CATSPERD: variants seen among roughly 807,000 people sequenced by gnomAD.
The protein encoded by CATSPERD is catsper channel auxiliary subunit delta.
Under a neutral mutation model 98.1 loss-of-function variants are expected in CATSPERD, and 86 were observed. That is an observed-to-expected ratio of 0.88 (90% CI 0.74 to 1.05). CATSPERD has a LOEUF of 1.05. Ranked by LOEUF, CATSPERD falls within the 50% of genes least tolerant of loss-of-function variation. The probability of loss-of-function intolerance (pLI) is 0.00; values close to 1 mark genes in which losing one functional copy is unlikely to be tolerated. For missense variants in CATSPERD, 995 were observed against 1,005.7 expected (o/e 0.99, Z 0.14); for synonymous variants, 394 against 390.2 (o/e 1.01, Z -0.12).
At chr19:5,773,967 G>GC in intron 20 of CATSPERD, among the ~76,000 whole-genome samples, 1 of 98,304 alleles carries the variant, frequency 1.0e-5, no homozygotes, top group African/African-American at 3.5e-5. Context: ...TTTTGCATTT[G>GC]CTTTTTTTTT....
Position 5,751,722 on chromosome 19 carries a change from C to T in CATSPERD, c.1063C>T (p.Pro355Ser). 6.2e-7 allele frequency: 1 copy of T among 1,613,834 alleles called. No homozygotes were observed. Among genetic ancestry groups the T allele is most frequent in the African/African-American group, 1.3e-5 (1 of 74,990 alleles). ...CCCAGGGACTCTGGAAATACTGACC[C>T]CACTGCGTGACACAGCCTTTCCAGC... ...RSPGTLEILTPLRDTAFPAFD... is the reference protein window; with the variant it reads ...RSPGTLEILTSLRDTAFPAFD... The change falls in exon 12 of 22, where the codon CCA becomes TCA. Residue 355 changes from proline to serine, a missense_variant. Pro to Ser is a moderately conservative substitution (Grantham distance 74). Transcript: ENST00000381624.
chr19:5,728,186 C>T (rs1229212658), intron 3 of CATSPERD, among the ~76,000 whole-genome samples: 14 of 151,194 alleles, frequency 9.3e-5, no homozygotes, highest in Non-Finnish European at 1.0e-4. Flanking sequence ...GGTGAAACCC[C>T]GTCTCTACTA....
At chr19:5,771,841 T>A (rs537504577) in intron 19 of CATSPERD, among the ~76,000 whole-genome samples, 83 of 152,290 alleles carry the variant, frequency 5.5e-4, no homozygotes, top group Middle Eastern at 6.8e-3. Context: ...AGTGCTGGGA[T>A]AACAGGCGTG....
Position 5,734,031 on chromosome 19 carries a change from A to G in CATSPERD, c.391+61A>G, listed in dbSNP as rs953660781. On this transcript the variant is annotated intron_variant, in intron 5 of 21. Coordinates refer to ENST00000381624, the MANE Select transcript of CATSPERD (RefSeq NM_152784.4). ...TGTAGTCAACATGAGAGAAGAGGGT[A>G]TTAGTGTTGGAAGTATAAGCGATGC... 8 of 982,606 alleles carry G rather than the reference A, an allele frequency of 8.1e-6. No individual in the cohort carries two copies. The African/African-American group carries it at 9.9e-5, about 12-fold the overall frequency. The allele number at this position is 982,606 out of a possible 1,614,324, so 60.9% of individuals were successfully genotyped here. A position where few individuals can be genotyped will look rare whatever the true frequency, so the allele number is the denominator to read the frequency against.
intron 20 of CATSPERD, among the ~76,000 whole-genome samples, chr19:5,775,648 C>CAAAAAAAA: frequency 1.6e-5 from 1 of 61,484 alleles, no homozygotes; most frequent in Non-Finnish European, 3.5e-5. Context: ...AACCCCATCT[C>CAAAAAAAA]AAAAAAAAAA....
At chr19:5,766,929 G>C (rs968643793) in intron 17 of CATSPERD, among the ~76,000 whole-genome samples, 23 of 151,808 alleles carry the variant, frequency 1.5e-4, no homozygotes, top group Non-Finnish European at 3.4e-4. Context: ...CTGACCTCAA[G>C]TGATTTGCCC....
chr19:5,759,142 C>A lies in CATSPERD; in HGVS notation c.1425C>A (p.Ser475=), dbSNP rs772325744. The A allele has an allele frequency of 1.2e-6, 2 of 1,613,824 alleles. 1 individual carries two copies. The highest frequency in any genetic ancestry group is 2.2e-5 in the South Asian group (2 of 91,076). ...HWGRTDSNFT[S]SLKKATMSTL... is the part of the protein sequence containing the mutation. ...GCAGGACCGACTCCAACTTCACTTC[C>A]AGGTATGTTGTCTCCTGGGAGAGGC... Residue 475 remains serine, a splice_region_variant and synonymous_variant, in exon 15 of 22, where the codon TCC becomes TCA. Coordinates refer to ENST00000381624, the MANE Select transcript of CATSPERD (RefSeq NM_152784.4).
chr19:5,735,774 ATT>A (rs34107835), intron 5 of CATSPERD, among the ~76,000 whole-genome samples: 290 of 101,996 alleles, frequency 2.8e-3, no homozygotes, highest in Middle Eastern at 7.1e-3. Context: ...TGCCCGGCTA[ATT>A]TTTTTTTTTT....
intron 3 of CATSPERD, 21 bp from the exon 4 acceptor site, chr19:5,729,851 C>G (rs545726200): frequency 7.0e-7 from 1 of 1,438,494 alleles, no homozygotes; most frequent in East Asian, 2.3e-5. Context: ...CCTAATTTAA[C>G]TTATTTATTG....
intron 3 of CATSPERD, among the ~76,000 whole-genome samples, chr19:5,727,665 T>C (rs942914478): frequency 5.3e-5 from 8 of 152,070 alleles, no homozygotes; most frequent in Non-Finnish European, 2.9e-5. Flanking sequence ...GAAGGATGAA[T>C]AGGAGTTCAC....
chr19:5,770,827 C>G (rs903241439), intron 18 of CATSPERD, 117 bp from the exon 19 acceptor site: 5 of 1,242,094 alleles, frequency 4.0e-6, no homozygotes, highest in Non-Finnish European at 5.6e-6. Flanking sequence ...CAGATGCCAC[C>G]TCCTGCCACT....
At chr19:5,729,031 G>A (rs1016712747) in intron 3 of CATSPERD, among the ~76,000 whole-genome samples, 1 of 150,400 alleles carries the variant, frequency 6.6e-6, no homozygotes, top group African/African-American at 2.4e-5. Context: ...TTTTTTAAAG[G>A]CTATTATGAG....
chr19:5,750,327 T>C (rs879516299), intron 11 of CATSPERD, among the ~76,000 whole-genome samples: 2 of 149,280 alleles, frequency 1.3e-5, no homozygotes, highest in Non-Finnish European at 3.0e-5. Flanking sequence ...TGGCGGCACC[T>C]GTAGTCCCAG....
intron 16 of CATSPERD, among the ~76,000 whole-genome samples, chr19:5,764,768 C>A (rs2056507543): frequency 6.6e-6 from 1 of 152,052 alleles, no homozygotes; most frequent in Admixed American, 6.6e-5. Context: ...CAAGCCCCAC[C>A]ATGCCGAGCT....
chr19:5,742,586 A>C (rs2056010459), intron 7 of CATSPERD, among the ~76,000 whole-genome samples: 1 of 151,960 alleles, frequency 6.6e-6, no homozygotes, highest in South Asian at 2.1e-4. Flanking sequence ...GTTCAAGACC[A>C]GCCTGGGGAA....
chr19:5,733,772 TC>T, intron 4 of CATSPERD, 83 bp from the exon 5 acceptor site: 1 of 978,890 alleles, frequency 1.0e-6, no homozygotes, highest in South Asian at 1.4e-5. Flanking sequence ...TTTTTTTTTT[TC>T]AATGCATGTC....
chr19:5,747,356 C>T (rs934492908), intron 9 of CATSPERD, among the ~76,000 whole-genome samples: 4 of 151,352 alleles, frequency 2.6e-5, no homozygotes, highest in African/African-American at 9.7e-5. Flanking sequence ...TTTGTAGAGA[C>T]GGGGTTTCAC....
intron 17 of CATSPERD, among the ~76,000 whole-genome samples, chr19:5,766,639 G>C (rs1392014448): frequency 1.3e-5 from 2 of 151,854 alleles, no homozygotes; most frequent in Non-Finnish European, 1.5e-5. Context: ...CACCCTAATA[G>C]GTTAAGTTTG....
At chr19:5,775,141 A>G (rs1209283566) in intron 20 of CATSPERD, 1 of 406,084 alleles carries the variant, frequency 2.5e-6, no homozygotes, top group East Asian at 8.5e-5. Flanking sequence ...ACTACTTGAG[A>G]CGGTCACTAC....
Sources: gnomAD v4.1 joint callset for allele counts (sites outside exome capture counted in the v4.1 genomes callset) on GRCh38, gnomAD v4.1.1 for gene constraint, MANE v1.5 for transcripts, NCBI Gene and HGNC (gene_info 2026-07-23, HGNC 2026-07-21) for gene names.